The following UBE2D4 variants were observed in gnomAD, a reference collection of about 807,000 sequenced individuals.
UBE2D4 encodes ubiquitin-conjugating enzyme E2 D4.
A neutral mutation model predicts 23.0 loss-of-function variants in UBE2D4; 17 were observed. The observed-to-expected ratio is 0.74, with a 90% CI of 0.51 to 1.11. The LOEUF (loss-of-function observed/expected upper bound fraction) is 1.11. Ranked by LOEUF, UBE2D4 falls within the 50% of genes least tolerant of loss-of-function variation. The probability of loss-of-function intolerance (pLI) is 0.00; values close to 1 mark genes in which losing one functional copy is unlikely to be tolerated. For missense variants in UBE2D4, 139 were observed against 181.8 expected, an observed-to-expected ratio of 0.76 and a Z score of 1.35; for synonymous variants, 61 against 69.4, an observed-to-expected ratio of 0.88 and a Z score of 0.60.
At chr7:43,938,642 C>A in intron 2 of UBE2D4, 148 bp downstream of exon 2, 2 of 725,266 alleles carry the variant, frequency 2.8e-6, no homozygotes, top group Non-Finnish European at 4.6e-6. Flanking sequence ...TTGAAACTAG[C>A]CTGGCTAACA....
chr7:43,945,005 T>C (rs899472279), intron 4 of UBE2D4: 3 of 152,170 alleles, frequency 2.0e-5, no homozygotes, highest in African/African-American at 7.2e-5. Context: ...ATTATTATTA[T>C]TTTTGAGACA....
At chr7:43,945,778 T>C (rs1002897026) in intron 4 of UBE2D4, among the ~76,000 whole-genome samples, 1,773 of 56,580 alleles carry the variant, frequency 0.031, 6 homozygotes, top group Middle Eastern at 0.07. Context: ...CAAAATCCCT[T>C]TTTTTTTTTT....
At position 43,952,689 on chromosome 7, in the gene UBE2D4, T is replaced by C. The variant is rs769220337; in HGVS notation, c.438T>C (p.Ala146=). ...RLAREWTQKY[A]M ...CAAGAGAGTGGACACAAAAATATGC[T>C]ATGTAAGTGCCTTGGAGGTTTTACA... The change falls in exon 7 of 7, where the codon GCT becomes GCC. Residue 146 remains alanine, a synonymous_variant. Coordinates refer to ENST00000222402, the MANE Select transcript of UBE2D4 (RefSeq NM_015983.4). The C allele has an allele frequency of 1.2e-5, 19 of 1,613,578 alleles. 2 individuals carry two copies. In the South Asian group the frequency reaches 2.1e-4, roughly 18 times the overall value.
At chr7:43,950,753 C>A in intron 6 of UBE2D4, 61 bp downstream of exon 6, 2 of 1,357,388 alleles carry the variant, frequency 1.5e-6, no homozygotes, top group Admixed American at 1.7e-5. Context: ...CCATGCAGTA[C>A]CTGTGCTCTG....
chr7:43,931,887 C>T (rs1309935885), intron 1 of UBE2D4, among the ~76,000 whole-genome samples: 1 of 152,080 alleles, frequency 6.6e-6, no homozygotes, highest in African/African-American at 2.4e-5. Context: ...CGGGGTTTTG[C>T]CATGTTGCCA....
chr7:43,947,271 A>T (rs2095990147), intron 4 of UBE2D4: 1 of 151,950 alleles, frequency 6.6e-6, no homozygotes, highest in Admixed American at 6.6e-5. Flanking sequence ...AGTAGCTGGG[A>T]TTACAGGCCT....
chr7:43,949,060 C>G, intron 5 of UBE2D4: 1 of 416,994 alleles, frequency 2.4e-6, no homozygotes. Context: ...ATTACCTTCT[C>G]TGTTCCCTCA....
chr7:43,927,475 G>A (rs1463545292), intron 1 of UBE2D4, among the ~76,000 whole-genome samples: 1 of 151,698 alleles, frequency 6.6e-6, no homozygotes, highest in African/African-American at 2.4e-5. Context: ...CCAGCCAATT[G>A]TTTATTTTTT....
intron 5 of UBE2D4, 42 bp from the exon 6 acceptor site, chr7:43,950,555 CAG>C: frequency 6.5e-7 from 1 of 1,530,442 alleles, no homozygotes; most frequent in Non-Finnish European, 9.0e-7. Flanking sequence ...GGTGACCCAG[CAG>C]CTTCGTGGCT....
In UBE2D4 at chr7:43,954,879, C is replaced by T. The variant is rs1298651534; in HGVS notation, c.*2184C>T. On this transcript the variant is annotated 3_prime_UTR_variant, in exon 7 of 7. Transcript: ENST00000222402. The stretch of plus-strand genomic sequence containing the variant: ...GCCCAACTTGGTGTTGGGGAATAAC[C>T]ATACTCTGGTCTTTCAAGTGTAGTA... The T allele has an allele frequency of 6.6e-6, 1 of 152,194 alleles. No homozygotes were observed. The highest frequency in any genetic ancestry group is 1.5e-5 in the Non-Finnish European group (1 of 68,038). The allele number at this position is 152,194 out of a possible 1,614,324, so 9.4% of individuals were successfully genotyped here.
intron 4 of UBE2D4, 93 bp downstream of exon 4, chr7:43,943,124 A>C (rs776649157): frequency 5.8e-5 from 76 of 1,303,140 alleles, no homozygotes; most frequent in Non-Finnish European, 7.9e-5. Context: ...AAAGAGCTGT[A>C]CGTGGGGTTT....
At position 43,952,715 on chromosome 7, in the gene UBE2D4, TGA is replaced by T. The variant is rs547993553; in HGVS notation, c.*23_*24del. On this transcript the variant is annotated 3_prime_UTR_variant, in exon 7 of 7. Transcript: ENST00000222402. ...ATGTAAGTGCCTTGGAGGTTTTACA[TGA>T]GACACTGTCCAAGAGAAGCTGGCAG... The T allele has an allele frequency of 1.1e-4, 171 of 1,605,560 alleles. No homozygotes were observed. The African/African-American group carries it at 2.1e-3, about 19-fold the overall frequency.
intron 2 of UBE2D4, chr7:43,941,654 T>G (rs1052033412): frequency 2.6e-5 from 4 of 152,160 alleles, no homozygotes; most frequent in African/African-American, 9.7e-5. Context: ...GGCTTCACAA[T>G]GAATCAGGAG....
At chr7:43,928,348 A>G (rs1464706046) in intron 1 of UBE2D4, among the ~76,000 whole-genome samples, 3 of 151,892 alleles carry the variant, frequency 2.0e-5, no homozygotes, top group African/African-American at 7.3e-5. Context: ...TTGTACAATG[A>G]GCCTTTTCCT....
At chr7:43,942,121 A>T (rs2095974321) in intron 2 of UBE2D4, 1 of 153,574 alleles carries the variant, frequency 6.5e-6, no homozygotes, top group South Asian at 2.1e-4. Context: ...CGGGCAACAT[A>T]GCAAGACCCC....
chr7:43,950,623 T>G lies in UBE2D4; in HGVS notation c.329T>G (p.Leu110Arg), dbSNP rs747745293. 3.1e-6 allele frequency: 5 copies of G among 1,614,250 alleles called. No individual in the cohort carries two copies. The highest frequency in any genetic ancestry group is 4.2e-6 in the Non-Finnish European group (5 of 1,180,048). ...GTTCTCTTGTCCATCTGCTCGCTGC[T>G]CTGCGACCCCAACCCCGATGACCCC... ...SKVLLSICSL[L>R]CDPNPDDPLV... Residue 110 changes from leucine (L) to arginine (R), a missense_variant, in exon 6 of 7, where the codon CTC becomes CGC. By Grantham distance (102) the Leu-to-Arg change is moderately radical. Coordinates refer to ENST00000222402, the MANE Select transcript of UBE2D4 (RefSeq NM_015983.4).
intron 1 of UBE2D4, 53 bp from the exon 2 acceptor site, chr7:43,938,378 A>G (rs1022730613): frequency 2.6e-6 from 4 of 1,547,832 alleles, no homozygotes; most frequent in African/African-American, 2.7e-5. Flanking sequence ...ATTGGTATGT[A>G]GAGGCAGCAT....
intron 1 of UBE2D4, chr7:43,927,910 C>T (rs1045294398): frequency 5.6e-6 from 2 of 356,676 alleles, no homozygotes; most frequent in Non-Finnish European, 1.1e-5. Context: ...TAAGTATTTG[C>T]TGTTACGAAC....
intron 1 of UBE2D4, among the ~76,000 whole-genome samples, chr7:43,934,845 A>G (rs555309825): frequency 1.3e-5 from 2 of 152,314 alleles, no homozygotes; most frequent in African/African-American, 4.8e-5. Flanking sequence ...AATCACTAAT[A>G]TGTTACAATG....
Sources: gnomAD v4.1 joint callset for allele counts (sites outside exome capture counted in the v4.1 genomes callset) on GRCh38, gnomAD v4.1.1 for gene constraint, MANE v1.5 for transcripts, NCBI Gene and HGNC (gene_info 2026-07-23, HGNC 2026-07-21) for gene names.